DSCAM: variants seen among roughly 807,000 people sequenced by gnomAD.
The protein encoded by DSCAM is DS cell adhesion molecule.
DSCAM carries 47 observed loss-of-function variants against 217.7 expected under a neutral mutation model. That is an observed-to-expected ratio of 0.22 (90% CI 0.17 to 0.28). The LOEUF (loss-of-function observed/expected upper bound fraction) is 0.28. Ranked by LOEUF, DSCAM falls within the 10% of genes least tolerant of loss-of-function variation. DSCAM has a pLI of 1.00. For missense variants in DSCAM, 2,080 were observed against 2,618.3 expected (o/e 0.79, Z 4.49); for synonymous variants, 1,056 against 1,015.3 (o/e 1.04, Z -0.76).
intron 3 of DSCAM, among the ~76,000 whole-genome samples, chr21:40,376,189 C>G (rs547924936): frequency 8.9e-4 from 135 of 152,156 alleles, no homozygotes; most frequent in Middle Eastern, 3.4e-3. Context: ...AGCACAAGCA[C>G]GATGAAGCTT....
chr21:40,473,790 T>C (rs906421434), intron 3 of DSCAM, among the ~76,000 whole-genome samples: 3 of 151,976 alleles, frequency 2.0e-5, no homozygotes, highest in Admixed American at 6.6e-5. Flanking sequence ...GAGGTGGAAG[T>C]GAGAACACAG....
At chr21:40,139,569 T>G (rs998260531) in intron 18 of DSCAM, among the ~76,000 whole-genome samples, 1 of 152,042 alleles carries the variant, frequency 6.6e-6, no homozygotes, top group Non-Finnish European at 1.5e-5. Flanking sequence ...GGGAGGCAGG[T>G]TGGCCCTGAG....
chr21:40,700,331 T>A (rs1253144877), intron 2 of DSCAM, among the ~76,000 whole-genome samples: 2 of 152,164 alleles, frequency 1.3e-5, no homozygotes, highest in East Asian at 1.9e-4. Flanking sequence ...ATAGCAGGAT[T>A]TTCGTAGTTG....
intron 3 of DSCAM, among the ~76,000 whole-genome samples, chr21:40,663,238 G>A (rs906175274): frequency 1.6e-5 from 2 of 123,684 alleles, no homozygotes; most frequent in African/African-American, 5.9e-5. Context: ...GGGAATATAA[G>A]CATGTGAGTG....
At chr21:40,472,517 T>C (rs2075897304) in intron 3 of DSCAM, among the ~76,000 whole-genome samples, 2 of 152,230 alleles carry the variant, frequency 1.3e-5, no homozygotes, top group Admixed American at 1.3e-4. Context: ...GTATTGGATA[T>C]ACTGTTTCCC....
intron 32 of DSCAM, among the ~76,000 whole-genome samples, chr21:40,020,510 G>C (rs372106409): frequency 6.6e-6 from 1 of 151,022 alleles, no homozygotes; most frequent in Non-Finnish European, 1.5e-5. Flanking sequence ...ATCAAGAAAA[G>C]TGTGGTGTGT....
intron 1 of DSCAM, among the ~76,000 whole-genome samples, chr21:40,779,436 C>A (rs1258100545): frequency 2.6e-5 from 4 of 151,890 alleles, no homozygotes; most frequent in Admixed American, 2.6e-4. Flanking sequence ...AAGTTTATAC[C>A]CTTCAATGCT....
Position 40,013,457 on chromosome 21 carries a change from C to T in DSCAM, c.5687-71G>A, listed in dbSNP as rs896497313. ...ACATGGGCAGAATGTCCTGTGTGCA[C>T]ACGGGAAGCCATGCGGGCTTTAGAG... On this transcript the variant is annotated intron_variant, in intron 32 of 32. Transcript: ENST00000400454. 4.2e-6 allele frequency: 5 copies of T among 1,180,538 alleles called. No individual in the cohort carries two copies. In the African/African-American group the frequency reaches 6.2e-5, roughly 15 times the overall value. 73.1% of individuals were successfully genotyped at this position (1,180,538 alleles called of 1,614,324 possible).
intron 3 of DSCAM, among the ~76,000 whole-genome samples, chr21:40,380,788 G>A (rs1358351704): frequency 6.6e-6 from 1 of 152,332 alleles, no homozygotes; most frequent in South Asian, 2.1e-4. Context: ...CTGAGGCCGG[G>A]CGCGGTGGCT....
At chr21:40,522,144 T>C (rs1426148726) in intron 3 of DSCAM, among the ~76,000 whole-genome samples, 1 of 152,214 alleles carries the variant, frequency 6.6e-6, no homozygotes, top group Non-Finnish European at 1.5e-5. Flanking sequence ...GTGTTTCCCA[T>C]TGGCATGTGC....
At chr21:40,454,255 GTCAGAA>G (rs1258566289) in intron 3 of DSCAM, among the ~76,000 whole-genome samples, 2 of 152,206 alleles carry the variant, frequency 1.3e-5, no homozygotes, top group African/African-American at 2.4e-5. Flanking sequence ...CAATGAAGGT[GTCAGAA>G]ACTCAGCCTA....
intron 3 of DSCAM, among the ~76,000 whole-genome samples, chr21:40,550,667 A>T (rs577865126): frequency 6.6e-6 from 1 of 152,336 alleles, no homozygotes; most frequent in South Asian, 2.1e-4. Flanking sequence ...CTAGAGTAGT[A>T]GTAGCTATTA....
chr21:40,698,831 A>C (rs7279159), intron 2 of DSCAM, among the ~76,000 whole-genome samples: 142,235 of 148,970 alleles, frequency 0.95, 67,958 homozygotes, highest in Admixed American at 0.97. Context: ...GATTGCGCCA[A>C]TGCACTCCAG....
chr21:40,100,818 T>C (rs955615201), intron 20 of DSCAM, among the ~76,000 whole-genome samples: 1 of 152,204 alleles, frequency 6.6e-6, no homozygotes, highest in Non-Finnish European at 1.5e-5. Context: ...ATTTAAATAT[T>C]TCATTTTCTT....
rs116769996 is a variant in DSCAM, at chr21:40,101,709, C to T, written c.3697-7835G>A. Among the ~76,000 whole-genome samples the T allele has an allele frequency of 4.7e-3, 719 of 151,898 alleles. 3 individuals carry two copies. The highest frequency in any genetic ancestry group is 0.017 in the African/African-American group (690 of 41,442). On this transcript the variant is annotated intron_variant, in intron 20 of 32. Coordinates refer to ENST00000400454, the MANE Select transcript of DSCAM (RefSeq NM_001389.5). ...ACACACACATAAAATGTAAAATATGCATGTTGCTTATGTAATGAACCATCT... is the reference window on the plus strand; with the variant it reads ...ACACACACATAAAATGTAAAATATGTATGTTGCTTATGTAATGAACCATCT...
At chr21:40,082,926 C>T (rs1297639668) in intron 24 of DSCAM, among the ~76,000 whole-genome samples, 1 of 152,204 alleles carries the variant, frequency 6.6e-6, no homozygotes, top group Non-Finnish European at 1.5e-5. Flanking sequence ...ACTGATGTCA[C>T]TCTGAAATGC....
intron 1 of DSCAM, among the ~76,000 whole-genome samples, chr21:40,751,824 CA>C (rs537926870): frequency 7.9e-5 from 12 of 151,946 alleles, no homozygotes; most frequent in African/African-American, 1.9e-4. Context: ...TTTTAAAAGA[CA>C]AAAAAAGACA....
At chr21:40,017,505 G>T (rs2088179797) in intron 32 of DSCAM, among the ~76,000 whole-genome samples, 1 of 152,060 alleles carries the variant, frequency 6.6e-6, no homozygotes, top group South Asian at 2.1e-4. Context: ...GCTTCCTACT[G>T]TCAACTGGAT....
At chr21:40,058,231 C>A (rs2089059518) in intron 28 of DSCAM, among the ~76,000 whole-genome samples, 1 of 152,076 alleles carries the variant, frequency 6.6e-6, no homozygotes, top group Admixed American at 6.5e-5. Context: ...GAACACACTT[C>A]CCCTGCTACC....
Sources: allele counts gnomAD v4.1 joint callset (sites outside exome capture counted in the v4.1 genomes callset), GRCh38; gene constraint gnomAD v4.1.1; transcripts MANE v1.5; gene names NCBI Gene and HGNC (gene_info 2026-07-23, HGNC 2026-07-21).